The following RGS18 variants were observed in gnomAD, a reference collection of about 807,000 sequenced individuals.
The protein encoded by RGS18 is regulator of G protein signaling 18, also known as regulator of G-protein signaling 18.
Under a neutral mutation model 27.6 loss-of-function variants are expected in RGS18, and 22 were observed. That is an observed-to-expected ratio of 0.80 (90% CI 0.57 to 1.14). RGS18 has a LOEUF of 1.14. Among genes scored for constraint, RGS18 ranks in the 50% most tolerant of loss-of-function variants. The probability of loss-of-function intolerance (pLI) is 0.00; values close to 1 mark genes in which losing one functional copy is unlikely to be tolerated. For synonymous variants in RGS18, 89 were observed against 84.6 expected (o/e 1.05, Z -0.29); for missense variants, 299 against 269.6 (o/e 1.11, Z -0.76).
At chr1:192,174,026 T>TA (rs1381099934) in intron 3 of RGS18, among the ~76,000 whole-genome samples, 3 of 151,856 alleles carry the variant, frequency 2.0e-5, no homozygotes, top group South Asian at 2.1e-4. Context: ...TCTTTTTTTT[T>TA]ACTAGACCAC....
At chr1:192,179,963 G>A (rs922827109) in intron 3 of RGS18, among the ~76,000 whole-genome samples, 1 of 151,564 alleles carries the variant, frequency 6.6e-6, no homozygotes, top group Non-Finnish European at 1.5e-5. Context: ...TGGATAAAGA[G>A]TACACGGGGT....
Position 192,158,945 on chromosome 1 carries a change from T to TA in RGS18, c.119+198dup, listed in dbSNP as rs540842759. On this transcript the variant is annotated intron_variant, in intron 1 of 4. Transcript: ENST00000367460. ...AAACTGAAATCTAAAGTGTTCTCAT[T>TA]AAAAAAAAAGTGTAATAATGTTAGC... 3.8e-3 allele frequency among the ~76,000 whole-genome samples: 575 copies of TA among 150,932 alleles called. 2 individuals carry two copies. Among genetic ancestry groups the TA allele is most frequent in the Non-Finnish European group, 5.7e-3 (383 of 67,596 alleles).
chr1:192,175,454 T>A (rs1347916442), intron 3 of RGS18, among the ~76,000 whole-genome samples: 6 of 151,890 alleles, frequency 4.0e-5, no homozygotes, highest in Admixed American at 3.9e-4. Flanking sequence ...ATTTTTTTTC[T>A]GATCAGCTTG....
intron 3 of RGS18, among the ~76,000 whole-genome samples, chr1:192,176,421 C>A (rs1225830822): frequency 6.6e-6 from 1 of 151,660 alleles, no homozygotes; most frequent in Admixed American, 6.6e-5. Context: ...AGGTAGAAAG[C>A]CAGAGCAAAC....
chr1:192,173,583 G>A (rs1441904703), intron 3 of RGS18, among the ~76,000 whole-genome samples: 1 of 151,642 alleles, frequency 6.6e-6, no homozygotes, highest in Non-Finnish European at 1.5e-5. Context: ...AGGTATTTTT[G>A]GGCGGAGAGA....
At chr1:192,183,188 T>C (rs779888308) in intron 4 of RGS18, among the ~76,000 whole-genome samples, 1 of 151,604 alleles carries the variant, frequency 6.6e-6, no homozygotes, top group Admixed American at 6.6e-5. Context: ...AGTTGTATTG[T>C]GTTATGGACA....
rs898211141 is a variant in RGS18 at position 192,172,829 on chromosome 1, A to G, written c.284-8463A>G. On this transcript the variant is annotated intron_variant, in intron 3 of 4. Transcript: ENST00000367460. ...CCTTTGGAGGGTTATTTCTCTGCCTACCAAAGGAAACAATGCCTTCCTGAG... is the reference window on the plus strand; with the variant it reads ...CCTTTGGAGGGTTATTTCTCTGCCTGCCAAAGGAAACAATGCCTTCCTGAG... Among the ~76,000 whole-genome samples the G allele has an allele frequency of 5.4e-5, 8 of 148,864 alleles. No individual in the cohort carries two copies. The East Asian group carries it at 1.4e-3, about 27-fold the overall frequency.
intron 3 of RGS18, among the ~76,000 whole-genome samples, chr1:192,174,169 G>T (rs1204863702): frequency 2.0e-5 from 3 of 151,464 alleles, no homozygotes; most frequent in Non-Finnish European, 4.4e-5. Flanking sequence ...TAACATGTAG[G>T]TTATTGTGTT....
At chr1:192,165,518 G>C (rs1240456983) in intron 3 of RGS18, among the ~76,000 whole-genome samples, 1 of 152,148 alleles carries the variant, frequency 6.6e-6, no homozygotes, top group Non-Finnish European at 1.5e-5. Flanking sequence ...GGCTCAGGGG[G>C]CATCACGGAA....
chr1:192,164,808 A>G (rs1426306860), intron 3 of RGS18, among the ~76,000 whole-genome samples: 1 of 152,110 alleles, frequency 6.6e-6, no homozygotes, highest in Admixed American at 6.5e-5. Flanking sequence ...GCTTGACTTT[A>G]CTTTAATCTC....
chr1:192,172,864 C>CATATATATAA (rs1656285628), intron 3 of RGS18, among the ~76,000 whole-genome samples: 1 of 135,544 alleles, frequency 7.4e-6, no homozygotes, highest in East Asian at 2.3e-4. Flanking sequence ...GAAAAATATG[C>CATATATATAA]ATATATATAT....
rs547823668 is a variant in RGS18, at chr1:192,159,846, C to A, written c.221+525C>A. On this transcript the variant is annotated intron_variant, in intron 2 of 4. Transcript: ENST00000367460. ...CCGAGAAAATATATTCAATTCTCCA[C>A]ATTACCAACATCTCTAGAATATTTT... is the stretch of plus-strand genomic sequence containing the variant. 8.5e-5 allele frequency among the ~76,000 whole-genome samples: 13 copies of A among 152,162 alleles called. No homozygotes were observed. The East Asian group carries it at 2.5e-3, about 29-fold the overall frequency.
chr1:192,179,574 T>C (rs898444024), intron 3 of RGS18, among the ~76,000 whole-genome samples: 6 of 151,472 alleles, frequency 4.0e-5, no homozygotes, highest in Non-Finnish European at 7.4e-5. Context: ...AATGGCAGAA[T>C]GGTTAAACAA....
chr1:192,160,945 G>A (rs529579897), intron 3 of RGS18, among the ~76,000 whole-genome samples: 15 of 152,130 alleles, frequency 9.9e-5, no homozygotes, highest in African/African-American at 2.4e-4. Context: ...CTCCGCCTCC[G>A]TTCAGGCCAT....
intron 3 of RGS18, 24 bp downstream of exon 3, chr1:192,160,463 C>T: frequency 6.5e-7 from 1 of 1,534,168 alleles, no homozygotes; most frequent in Non-Finnish European, 9.0e-7. Flanking sequence ...TCACCAAATA[C>T]TTTGTGTGCT....
chr1:192,177,845 A>C (rs1203196364), intron 3 of RGS18, among the ~76,000 whole-genome samples: 1 of 151,778 alleles, frequency 6.6e-6, no homozygotes, highest in Non-Finnish European at 1.5e-5. Flanking sequence ...AATCAGTGTA[A>C]AAACATAGTA....
Position 192,158,570 on chromosome 1 carries a change from G to A in RGS18, c.-68G>A, listed in dbSNP as rs938751505. On this transcript the variant is annotated 5_prime_UTR_variant, in exon 1 of 5. Transcript: ENST00000367460. ...TTTTATTCTACTATGTATATGTATG[G>A]AATAGTATTAATAAATGAACTAGGG... 17 of 1,359,216 alleles carry A rather than the reference G, an allele frequency of 1.3e-5. No individual in the cohort carries two copies. Among genetic ancestry groups the A allele is most frequent in the Non-Finnish European group, 1.7e-5 (17 of 1,015,068 alleles). 84.2% of individuals were successfully genotyped at this position (1,359,216 alleles called of 1,614,324 possible).
At position 192,184,587 on chromosome 1, in the gene RGS18, CTT is replaced by C. The variant is rs557632917; in HGVS notation, c.*34_*35del. On this transcript the variant is annotated 3_prime_UTR_variant, in exon 5 of 5. Coordinates refer to ENST00000367460, the MANE Select transcript of RGS18 (RefSeq NM_130782.3). The stretch of plus-strand genomic sequence containing the variant: ...TGATTTTGCTCATTTTTATGACAAA[CTT>C]ATACATCTGCTTCTAACATATCGCA... The C allele has an allele frequency of 2.5e-6, 4 of 1,584,662 alleles. No individual in the cohort carries two copies. The highest frequency in any genetic ancestry group is 1.7e-4 in the Middle Eastern group (1 of 5,960).
At chr1:192,164,609 C>T (rs776950206) in intron 3 of RGS18, among the ~76,000 whole-genome samples, 1 of 152,076 alleles carries the variant, frequency 6.6e-6, no homozygotes, top group Non-Finnish European at 1.5e-5. Context: ...ATATTAATAA[C>T]AGGGAAATTG....
Sources: allele counts gnomAD v4.1 joint callset (sites outside exome capture counted in the v4.1 genomes callset), GRCh38; gene constraint gnomAD v4.1.1; transcripts MANE v1.5; gene names NCBI Gene and HGNC (gene_info 2026-07-23, HGNC 2026-07-21).